The following DNAJC24 variants were observed in gnomAD, a reference collection of about 807,000 sequenced individuals.
The protein encoded by DNAJC24 is DnaJ heat shock protein family (Hsp40) member C24, also known as dnaJ homolog subfamily C member 24.
Under a neutral mutation model 18.0 loss-of-function variants are expected in DNAJC24, and 17 were observed. The ratio of observed to expected loss-of-function variants is 0.94; its 90% CI spans 0.65 to 1.42. The LOEUF (loss-of-function observed/expected upper bound fraction) is 1.42, where lower values mean the gene tolerates loss of function less well. Among genes scored for constraint, DNAJC24 ranks in the 40% most tolerant of loss-of-function variants. DNAJC24 has a pLI of 0.00. For missense variants in DNAJC24, 158 were observed against 175.6 expected, an observed-to-expected ratio of 0.90 and a Z score of 0.57; for synonymous variants, 55 against 57.7, an observed-to-expected ratio of 0.95 and a Z score of 0.21.
At chr11:31,392,339 G>A (rs970384554) in intron 2 of DNAJC24, among the ~76,000 whole-genome samples, 12 of 151,932 alleles carry the variant, frequency 7.9e-5, no homozygotes, top group African/African-American at 2.4e-4. Flanking sequence ...GTTGTGTGCC[G>A]GTATCACAAT....
At chr11:31,395,598 G>A (rs1205583196) in intron 2 of DNAJC24, among the ~76,000 whole-genome samples, 2 of 151,954 alleles carry the variant, frequency 1.3e-5, no homozygotes, top group East Asian at 1.9e-4. Flanking sequence ...TTTAAATTTT[G>A]TTCAAAATAT....
chr11:31,385,980 AG>A (rs1340724812), intron 2 of DNAJC24, among the ~76,000 whole-genome samples: 2 of 152,210 alleles, frequency 1.3e-5, no homozygotes, highest in Non-Finnish European at 1.5e-5. Context: ...TTGCATCCAC[AG>A]TGCTGCTGTG....
chr11:31,410,217 A>G (rs1166974881), intron 2 of DNAJC24, among the ~76,000 whole-genome samples: 2 of 152,266 alleles, frequency 1.3e-5, no homozygotes, highest in East Asian at 1.9e-4. Context: ...TCTTTTAGAT[A>G]TGTAGTAATA....
Position 31,414,866 on chromosome 11 carries a change from T to C in DNAJC24, c.167T>C (p.Val56Ala). The change falls in exon 3 of 5, where the codon GTA becomes GCA. Residue 56 changes from valine (V) to alanine (A), a missense_variant. Coordinates refer to ENST00000465995, the MANE Select transcript of DNAJC24 (RefSeq NM_181706.5). ...CCAGCAGGAACAGTGGAGGAATGTG[T>C]ACAGAAGTTCATCGAAATTGATCAA... Reference protein sequence around the residue: ...DVPAGTVEECVQKFIEIDQAW... With the variant: ...DVPAGTVEECAQKFIEIDQAW... 2.5e-6 allele frequency: 4 copies of C among 1,614,046 alleles called. No individual in the cohort carries two copies. The highest frequency in any genetic ancestry group is 3.4e-6 in the Non-Finnish European group (4 of 1,179,968).
chr11:31,371,028 G>A (rs1952236451), intron 2 of DNAJC24, among the ~76,000 whole-genome samples, 169 bp downstream of exon 2: 1 of 152,162 alleles, frequency 6.6e-6, no homozygotes. Flanking sequence ...GATTTGAGGT[G>A]GAAAAGCATG....
chr11:31,376,097 G>A (rs902653799), intron 2 of DNAJC24, among the ~76,000 whole-genome samples: 2 of 83,624 alleles, frequency 2.4e-5, no homozygotes, highest in East Asian at 4.2e-4. Context: ...TCATGGTAGT[G>A]AATAAGTCTC....
chr11:31,414,096 C>T (rs1952733696), intron 2 of DNAJC24, among the ~76,000 whole-genome samples: 1 of 151,858 alleles, frequency 6.6e-6, no homozygotes, highest in African/African-American at 2.4e-5. Flanking sequence ...TGGTTTTGAC[C>T]CAGTAGTATA....
intron 2 of DNAJC24, among the ~76,000 whole-genome samples, chr11:31,411,878 T>C (rs917992350): frequency 6.6e-6 from 1 of 152,178 alleles, no homozygotes; most frequent in Admixed American, 6.5e-5. Flanking sequence ...AGTTACTCCT[T>C]TTCTTAGACC....
At chr11:31,381,575 ATT>A (rs544064492) in intron 2 of DNAJC24, among the ~76,000 whole-genome samples, 16 of 142,168 alleles carry the variant, frequency 1.1e-4, no homozygotes, top group Admixed American at 2.1e-4. Flanking sequence ...TCAAAAAAAA[ATT>A]TTTTTTTTTT....
intron 2 of DNAJC24, among the ~76,000 whole-genome samples, chr11:31,404,470 C>T (rs1210286492): frequency 6.6e-6 from 1 of 152,112 alleles, no homozygotes; most frequent in Non-Finnish European, 1.5e-5. Flanking sequence ...TAAGATTTTC[C>T]TTTATTTGCA....
At chr11:31,385,548 C>A (rs569200166) in intron 2 of DNAJC24, among the ~76,000 whole-genome samples, 24 of 152,132 alleles carry the variant, frequency 1.6e-4, no homozygotes, top group Non-Finnish European at 3.2e-4. Flanking sequence ...TGACTCCAAT[C>A]CCCCTGGGAG....
At chr11:31,382,031 A>G (rs1477450103) in intron 2 of DNAJC24, among the ~76,000 whole-genome samples, 5 of 152,214 alleles carry the variant, frequency 3.3e-5, no homozygotes, top group African/African-American at 1.2e-4. Flanking sequence ...TTAGTAATTC[A>G]TTCATCCATT....
At chr11:31,426,386 TA>T (rs11304706) in intron 4 of DNAJC24, 31 bp downstream of exon 4, 307,605 of 1,121,986 alleles carry the variant, frequency 0.27, 48,084 homozygotes, top group African/African-American at 0.71. Context: ...TGACAACATT[TA>T]AAAAAAAAAG....
At chr11:31,421,744 G>A (rs1293166170) in intron 3 of DNAJC24, among the ~76,000 whole-genome samples, 1 of 152,088 alleles carries the variant, frequency 6.6e-6, no homozygotes, top group Non-Finnish European at 1.5e-5. Flanking sequence ...CTATCATTAG[G>A]AGGAAGCTTA....
chr11:31,415,017 T>G, intron 3 of DNAJC24, 68 bp downstream of exon 3: 2 of 1,533,076 alleles, frequency 1.3e-6, no homozygotes, highest in Non-Finnish European at 1.8e-6. Context: ...CAGCCATTCC[T>G]GGGGAGCATT....
chr11:31,382,159 A>G (rs1952383692), intron 2 of DNAJC24, among the ~76,000 whole-genome samples: 1 of 152,178 alleles, frequency 6.6e-6, no homozygotes, highest in African/African-American at 2.4e-5. Context: ...TATTATGTAC[A>G]GTATATAAAT....
In DNAJC24 at chr11:31,432,246, A is replaced by G. The variant is rs891815807; in HGVS notation, c.*1845A>G. Among the ~76,000 whole-genome samples, 2 of 152,218 alleles carry G rather than the reference A, an allele frequency of 1.3e-5. No homozygotes were observed. Among genetic ancestry groups the G allele is most frequent in the Non-Finnish European group, 2.9e-5 (2 of 68,036 alleles). ...AAGAACAAGAATTCAAAAGTGAGGT[A>G]GTCATCCAGGTTCCCCCTCCCACAA... On this transcript the variant is annotated 3_prime_UTR_variant, in exon 5 of 5. Coordinates refer to ENST00000465995, the MANE Select transcript of DNAJC24 (RefSeq NM_181706.5).
intron 2 of DNAJC24, among the ~76,000 whole-genome samples, chr11:31,387,655 A>G (rs1271240292): frequency 6.6e-6 from 1 of 152,232 alleles, no homozygotes; most frequent in African/African-American, 2.4e-5. Flanking sequence ...GGCATAAACA[A>G]GCACAGACTA....
chr11:31,399,739 C>CTTTTTTTTTTTTTTTTTT (rs757871094), intron 2 of DNAJC24, among the ~76,000 whole-genome samples: 1 of 97,052 alleles, frequency 1.0e-5, no homozygotes. Flanking sequence ...ACTGTTTTTT[C>CTTTTTTTTTTTTTTTTTT]TTTTTTTTTT....
Sources: gnomAD v4.1 joint callset for allele counts (sites outside exome capture counted in the v4.1 genomes callset) on GRCh38, gnomAD v4.1.1 for gene constraint, MANE v1.5 for transcripts, NCBI Gene and HGNC (gene_info 2026-07-23, HGNC 2026-07-21) for gene names.